The following ENPP6 variants were observed in gnomAD, a reference collection of about 807,000 sequenced individuals.
ENPP6 encodes ectonucleotide pyrophosphatase/phosphodiesterase 6, also known as glycerophosphocholine cholinephosphodiesterase ENPP6.
In ENPP6, 32 loss-of-function variants were observed where a neutral mutation model predicts 42.0. The ratio of observed to expected loss-of-function variants is 0.76; its 90% CI spans 0.58 to 1.02. ENPP6 has a LOEUF of 1.02. ENPP6 is among the 50% of genes least tolerant of loss of function. The pLI, the probability that ENPP6 is intolerant of heterozygous loss-of-function variation, is 0.00. For missense variants in ENPP6, 552 were observed against 566.8 expected (o/e 0.97, Z 0.27); for synonymous variants, 213 against 216.0 (o/e 0.99, Z 0.12).
intron 3 of ENPP6, among the ~76,000 whole-genome samples, chr4:184,120,269 C>G (rs1489278887): frequency 6.6e-6 from 1 of 152,196 alleles, no homozygotes; most frequent in South Asian, 2.1e-4. Context: ...CCTGGTGGCC[C>G]GTGGAAAGAG....
At chr4:184,160,137 T>C (rs897855370) in intron 1 of ENPP6, among the ~76,000 whole-genome samples, 1 of 152,222 alleles carries the variant, frequency 6.6e-6, no homozygotes. Flanking sequence ...CTTTTTTATA[T>C]AATGACTTCT....
chr4:184,139,657 A>G (rs1736788869), intron 2 of ENPP6, among the ~76,000 whole-genome samples: 1 of 85,704 alleles, frequency 1.2e-5, no homozygotes, highest in Non-Finnish European at 2.4e-5. Context: ...ATGATTTCCA[A>G]TCATCCATGT....
At chr4:184,149,765 A>G (rs991031406) in intron 2 of ENPP6, among the ~76,000 whole-genome samples, 7 of 152,218 alleles carry the variant, frequency 4.6e-5, no homozygotes, top group South Asian at 2.1e-4. Flanking sequence ...GTATTTTACA[A>G]TAGTCGTAAA....
intron 7 of ENPP6, among the ~76,000 whole-genome samples, chr4:184,093,208 A>G (rs1388766359): frequency 2.6e-5 from 4 of 152,254 alleles, no homozygotes; most frequent in Non-Finnish European, 5.9e-5. Context: ...CACTACTATT[A>G]TTAATAAATA....
At chr4:184,166,596 C>A (rs1217346523) in intron 1 of ENPP6, among the ~76,000 whole-genome samples, 1 of 152,228 alleles carries the variant, frequency 6.6e-6, no homozygotes, top group East Asian at 1.9e-4. Context: ...TCCAATTCAT[C>A]TTCACCGCTG....
intron 6 of ENPP6, among the ~76,000 whole-genome samples, chr4:184,106,778 G>T (rs549469993): frequency 2.6e-5 from 4 of 152,180 alleles, no homozygotes; most frequent in Admixed American, 6.5e-5. Flanking sequence ...GGGCAGGAGT[G>T]GGGGCAAGGA....
At position 184,117,076 on chromosome 4, in the gene ENPP6, G is replaced by A. The variant is rs189461221; in HGVS notation, c.676-41C>T. 2.2e-5 allele frequency: 35 copies of A among 1,609,942 alleles called. No individual in the cohort carries two copies. In the African/African-American group the frequency reaches 2.8e-4, roughly 13 times the overall value. On this transcript the variant is annotated intron_variant, in intron 4 of 7. Transcript: ENST00000296741. ...AGACAGTCATTACGGCACCAACAGA[G>A]AGGCTCGTGCACTCAGAAAACCTTG... is the stretch of plus-strand genomic sequence containing the variant.
At chr4:184,166,049 A>C (rs1737343166) in intron 1 of ENPP6, among the ~76,000 whole-genome samples, 1 of 152,218 alleles carries the variant, frequency 6.6e-6, no homozygotes, top group Non-Finnish European at 1.5e-5. Flanking sequence ...ACTAACTTAA[A>C]AATTGAAATT....
intron 1 of ENPP6, among the ~76,000 whole-genome samples, chr4:184,168,784 C>A (rs1373771456): frequency 6.6e-6 from 1 of 152,216 alleles, no homozygotes; most frequent in Non-Finnish European, 1.5e-5. Context: ...TAGGCAGAGC[C>A]CGGGCAGGGC....
intron 2 of ENPP6, among the ~76,000 whole-genome samples, chr4:184,148,642 C>T (rs931180261): frequency 6.6e-6 from 1 of 152,116 alleles, no homozygotes; most frequent in Non-Finnish European, 1.5e-5. Flanking sequence ...CAGATCTTGC[C>T]GAAGTTACTG....
intron 7 of ENPP6, 46 bp downstream of exon 7, chr4:184,097,199 T>A: frequency 6.2e-7 from 1 of 1,611,898 alleles, no homozygotes; most frequent in Non-Finnish European, 8.5e-7. Flanking sequence ...TACAGACACT[T>A]CCTTGGGAAT....
At chr4:184,186,406 G>A (rs1434544368) in intron 1 of ENPP6, among the ~76,000 whole-genome samples, 1 of 152,182 alleles carries the variant, frequency 6.6e-6, no homozygotes, top group African/African-American at 2.4e-5. Context: ...GTTTTCTGGG[G>A]GCGGGGTGGT....
intron 1 of ENPP6, among the ~76,000 whole-genome samples, chr4:184,209,600 C>T (rs1367073804): frequency 2.0e-5 from 3 of 151,264 alleles, no homozygotes; most frequent in African/African-American, 7.3e-5. Flanking sequence ...AAGACCAAAT[C>T]TACATCTGAT....
At chr4:184,157,790 T>TTTTC (rs1276563738) in intron 1 of ENPP6, among the ~76,000 whole-genome samples, 2 of 145,376 alleles carry the variant, frequency 1.4e-5, no homozygotes, top group Admixed American at 6.9e-5. Context: ...TTTTTTTTTT[T>TTTTC]TGTATTTTTT....
chr4:184,120,592 A>G (rs1736399523), intron 3 of ENPP6, among the ~76,000 whole-genome samples: 1 of 152,180 alleles, frequency 6.6e-6, no homozygotes, highest in Non-Finnish European at 1.5e-5. Context: ...TTTCCTGCCC[A>G]CTGAACCACG....
At chr4:184,141,704 A>G (rs1293679320) in intron 2 of ENPP6, among the ~76,000 whole-genome samples, 1 of 152,096 alleles carries the variant, frequency 6.6e-6, no homozygotes, top group Admixed American at 6.5e-5. Context: ...AAAATAGAGC[A>G]TTAGTGAGAA....
chr4:184,204,899 T>A (rs1732966943), intron 1 of ENPP6, among the ~76,000 whole-genome samples: 1 of 152,222 alleles, frequency 6.6e-6, no homozygotes, highest in Admixed American at 6.5e-5. Flanking sequence ...AAACTCTGAA[T>A]GTCTTAATCA....
chr4:184,129,396 T>C (rs907985681), intron 2 of ENPP6, among the ~76,000 whole-genome samples: 6 of 152,122 alleles, frequency 3.9e-5, no homozygotes, highest in African/African-American at 1.4e-4. Flanking sequence ...CTGTTCTGTG[T>C]TTTTAAAAAA....
intron 2 of ENPP6, among the ~76,000 whole-genome samples, chr4:184,124,675 T>A (rs975340626): frequency 6.6e-6 from 1 of 152,190 alleles, no homozygotes; most frequent in Admixed American, 6.5e-5. Context: ...TAGAATCAAG[T>A]ATTAGGTAGC....
Sources: gnomAD v4.1 joint callset for allele counts (sites outside exome capture counted in the v4.1 genomes callset) on GRCh38, gnomAD v4.1.1 for gene constraint, MANE v1.5 for transcripts, NCBI Gene and HGNC (gene_info 2026-07-23, HGNC 2026-07-21) for gene names.